The following TACC3 variants were observed in gnomAD, a reference collection of about 807,000 sequenced individuals.
TACC3 encodes the protein transforming acidic coiled-coil containing protein 3.
A neutral mutation model predicts 86.0 loss-of-function variants in TACC3; 52 were observed. The ratio of observed to expected loss-of-function variants is 0.60; its 90% CI spans 0.48 to 0.76. The LOEUF is 0.76. Ranked by LOEUF, TACC3 falls within the 30% of genes least tolerant of loss-of-function variation. The pLI is 0.00. For missense variants in TACC3, 1,120 were observed against 1,070.4 expected, an observed-to-expected ratio of 1.05 and a Z score of -0.65; for synonymous variants, 512 against 430.0, an observed-to-expected ratio of 1.19 and a Z score of -2.36.
At chr4:1,737,922 C>T (rs977070933) in intron 10 of TACC3, 2 of 662,196 alleles carry the variant, frequency 3.0e-6, no homozygotes, top group Non-Finnish European at 5.6e-6. Context: ...GTCAGCTGCC[C>T]ACCAGCAGCC....
At position 1,740,981 on chromosome 4, in the gene TACC3, C is replaced by T. The variant is rs1278282110; in HGVS notation, c.2218C>T (p.Arg740Cys). The change falls in exon 13 of 16, where the codon CGC (arginine) becomes TGC (cysteine). Residue 740 changes from arginine to cysteine, a missense_variant. Physicochemically the swap from Arg to Cys is radical, Grantham distance 180. Coordinates refer to ENST00000313288, the MANE Select transcript of TACC3 (RefSeq NM_006342.3). ...ACAGAAAGAGGTGATCGAGGGCTAC[C>T]GCAAGGTATGTCTCCGCCACCCTGG... is the stretch of plus-strand genomic sequence containing the variant. ...EKQKEVIEGYRKNEESLKKCV... is the reference protein window; with the variant it reads ...EKQKEVIEGYCKNEESLKKCV... 12 of 1,605,778 alleles carry T rather than the reference C, an allele frequency of 7.5e-6. No homozygotes were observed. The highest frequency in any genetic ancestry group is 1.3e-5 in the African/African-American group (1 of 74,376).
chr4:1,744,904 C>T, intron 15 of TACC3, 44 bp from the exon 16 acceptor site: 1 of 1,611,706 alleles, frequency 6.2e-7, no homozygotes, highest in Admixed American at 1.7e-5. Flanking sequence ...CCTGCTGCTC[C>T]CTCCAAGCAG....
In TACC3 at chr4:1,725,848, C is replaced by G. The variant is rs145377442; in HGVS notation, c.306-1860C>G. On this transcript the variant is annotated intron_variant, in intron 3 of 15. Coordinates refer to ENST00000313288, the MANE Select transcript of TACC3 (RefSeq NM_006342.3). ...TGCGTGCAGCTGCCCACGTGTCATT[C>G]AGAGGACAGCCGAGTGGCCGCCTGG... Among the ~76,000 whole-genome samples the G allele has an allele frequency of 5.9e-5, 9 of 152,388 alleles. No individual in the cohort carries two copies. In the East Asian group the frequency reaches 1.2e-3, roughly 20 times the overall value.
intron 8 of TACC3, among the ~76,000 whole-genome samples, chr4:1,736,421 T>TAAA (rs1451021146): frequency 8.6e-5 from 1 of 11,622 alleles, no homozygotes; most frequent in Non-Finnish European, 2.1e-4. Context: ...AGACTCCATC[T>TAAA]CAAAAAAAAA....
chr4:1,745,131 T>C lies in TACC3; in HGVS notation c.*118T>C. The C allele has an allele frequency of 9.3e-7, 1 of 1,075,924 alleles. No homozygotes were observed. Among genetic ancestry groups the C allele is most frequent in the Non-Finnish European group, 1.3e-6 (1 of 749,916 alleles). 66.6% of individuals were successfully genotyped at this position (1,075,924 alleles called of 1,614,324 possible). A position where few individuals can be genotyped will look rare whatever the true frequency, so the allele number is the denominator to read the frequency against. ...TCAACTTTTTTAAAAACTAGATTGC[T>C]TTGAAAACATGACTCAATAAAAGTT... is the stretch of plus-strand genomic sequence containing the variant. On this transcript the variant is annotated 3_prime_UTR_variant, in exon 16 of 16. Transcript: ENST00000313288.
Position 1,731,275 on chromosome 4 carries a change from A to G in TACC3, c.1565A>G (p.Glu522Gly). The part of the protein sequence containing the change: ...QQGQPALELK[E>G]ESFRDPAEVL... ...GGGCAGCCTGCCTTGGAGCTGAAAG[A>G]GGAGAGCTTCAGAGACCCCGCTGAG... is the stretch of plus-strand genomic sequence containing the variant. The change falls in exon 6 of 16, where the codon GAG (glutamate) becomes GGG (glycine). Residue 522 changes from glutamate (E) to glycine (G), a missense_variant. By Grantham distance (98) the Glu-to-Gly change is moderately conservative. Coordinates refer to ENST00000313288, the MANE Select transcript of TACC3 (RefSeq NM_006342.3). The G allele has an allele frequency of 6.2e-7, 1 of 1,613,326 alleles. No homozygotes were observed. The highest frequency in any genetic ancestry group is 8.5e-7 in the Non-Finnish European group (1 of 1,180,016).
chr4:1,740,785 G>C, intron 12 of TACC3, 41 bp from the exon 13 acceptor site: 1 of 1,576,566 alleles, frequency 6.3e-7, no homozygotes, highest in Non-Finnish European at 8.6e-7. Flanking sequence ...CATCGTTTCG[G>C]TTGCCTCCTC....
chr4:1,739,874 A>G (rs1170649632), intron 11 of TACC3, 85 bp from the exon 12 acceptor site: 3 of 1,391,180 alleles, frequency 2.2e-6, no homozygotes, highest in Non-Finnish European at 2.8e-6. Flanking sequence ...CCCCCTCGCC[A>G]TCCCTGTCCC....
intron 10 of TACC3, 129 bp from the exon 11 acceptor site, chr4:1,739,573 C>T: frequency 1.2e-6 from 1 of 844,438 alleles, no homozygotes; most frequent in African/African-American, 1.7e-5. Flanking sequence ...ACTGGAAGCC[C>T]CACATGGAAC....
At chr4:1,730,034 ATTTG>A (rs377531457) in intron 4 of TACC3, among the ~76,000 whole-genome samples, 13 of 151,638 alleles carry the variant, frequency 8.6e-5, no homozygotes, top group South Asian at 2.1e-4. Flanking sequence ...TCCTAGGGTT[ATTTG>A]TTTGTTTGTT....
intron 13 of TACC3, chr4:1,741,476 CA>C (rs1401162308): frequency 6.5e-6 from 1 of 152,942 alleles, no homozygotes; most frequent in African/African-American, 2.4e-5. Context: ...CTGTGCTGGG[CA>C]AGGCCCACAT....
In TACC3 at chr4:1,736,200, G is replaced by A. The variant is rs540568163; in HGVS notation, c.1748+366G>A. Among the ~76,000 whole-genome samples the A allele has an allele frequency of 3.0e-3, 452 of 152,280 alleles. 3 individuals are homozygous for A. The highest frequency in any genetic ancestry group is 0.01 in the African/African-American group (429 of 41,558). The stretch of plus-strand genomic sequence containing the variant: ...GCACTTTGGGAGGCCGAGGTGGATG[G>A]ATAGCCTCAGCTCAGGAGTTTGCCA... On this transcript the variant is annotated intron_variant, in intron 8 of 15. Transcript: ENST00000313288.
rs763751716 is a variant in TACC3, at chr4:1,745,049, C to T, written c.*36C>T. On this transcript the variant is annotated 3_prime_UTR_variant, in exon 16 of 16. Coordinates refer to ENST00000313288, the MANE Select transcript of TACC3 (RefSeq NM_006342.3). Reference sequence around the variant, plus strand: ...GCCGCTGTCCCCGCCCCCCTGCTCCCGTCTGTCTGTCCTGTCTGATTCTCT... The same window carrying T: ...GCCGCTGTCCCCGCCCCCCTGCTCCTGTCTGTCTGTCCTGTCTGATTCTCT... The T allele has an allele frequency of 1.3e-5, 21 of 1,576,430 alleles. No homozygotes were observed. The highest frequency in any genetic ancestry group is 6.7e-5 in the African/African-American group (5 of 74,330).
intron 1 of TACC3, 25 bp from the exon 2 acceptor site, chr4:1,723,396 A>C (rs1577204691): frequency 6.2e-7 from 1 of 1,607,684 alleles, no homozygotes; most frequent in South Asian, 1.1e-5. Flanking sequence ...CCTCACACTG[A>C]CACAAACATG....
chr4:1,729,772 G>A (rs1232068762), intron 4 of TACC3, among the ~76,000 whole-genome samples: 2 of 152,184 alleles, frequency 1.3e-5, no homozygotes, highest in Non-Finnish European at 2.9e-5. Flanking sequence ...AGATGGTGGA[G>A]CAGAGTCTTC....
Position 1,744,825 on chromosome 4 carries a change from A to AGCAGAAGGTGGGTGC in TACC3, c.2446_2451+9dup, listed in dbSNP as rs762441893. The AGCAGAAGGTGGGTGC allele has an allele frequency of 1.1e-5, 18 of 1,612,950 alleles. No individual in the cohort carries two copies. In the African/African-American group the frequency reaches 2.3e-4, roughly 20 times the overall value. Reference sequence around the variant, plus strand: ...ATCCAGTCGCTGGAGAAGACAGTGGAGCAGAAGGTGGGTGCGGGAAGCCCA... The same window carrying AGCAGAAGGTGGGTGC: ...ATCCAGTCGCTGGAGAAGACAGTGGAGCAGAAGGTGGGTGCGCAGAAGGTGGGTGCGGGAAGCCCA... On this transcript the variant is annotated inframe_insertion, in exon 15 of 16. Transcript: ENST00000313288.
chr4:1,729,858 C>T (rs769125872), intron 4 of TACC3, among the ~76,000 whole-genome samples: 2 of 152,054 alleles, frequency 1.3e-5, no homozygotes, highest in Non-Finnish European at 2.9e-5. Context: ...CTGGTGCTAC[C>T]GCTAGACCAA....
At position 1,744,510 on chromosome 4, in the gene TACC3, C is replaced by CT; in HGVS notation, c.2224-6dup. 1 of 1,611,818 alleles carries CT rather than the reference C, an allele frequency of 6.2e-7. No homozygotes were observed. The highest frequency in any genetic ancestry group is 8.5e-7 in the Non-Finnish European group (1 of 1,179,192). On this transcript the variant is annotated splice_polypyrimidine_tract_variant and splice_region_variant and intron_variant, in intron 13 of 15. Coordinates refer to ENST00000313288, the MANE Select transcript of TACC3 (RefSeq NM_006342.3). ...TGGTACCCACAGCTAATGCCTGCCC[C>CT]TTCCTAGAACGAAGAGTCACTGAAG...
In TACC3 at chr4:1,731,377, C is replaced by T; in HGVS notation, c.1591+76C>T. 3.9e-6 allele frequency: 6 copies of T among 1,539,382 alleles called. 1 individual carries two copies. In the South Asian group the frequency reaches 7.0e-5, roughly 18 times the overall value. On this transcript the variant is annotated intron_variant, in intron 6 of 15. Coordinates refer to ENST00000313288, the MANE Select transcript of TACC3 (RefSeq NM_006342.3). ...GTGAGCACTTGGGCAGCTCGAGACA[C>T]CTGCATCATCGGCAGGTGGTCATTT...
Sources: gnomAD v4.1 joint callset for allele counts (sites outside exome capture counted in the v4.1 genomes callset) on GRCh38, gnomAD v4.1.1 for gene constraint, MANE v1.5 for transcripts, NCBI Gene and HGNC (gene_info 2026-07-23, HGNC 2026-07-21) for gene names.